The following NUDCD1 variants were observed in gnomAD, a reference collection of about 807,000 sequenced individuals.
NUDCD1 encodes nudC domain-containing protein 1.
Under a neutral mutation model 67.8 loss-of-function variants are expected in NUDCD1, and 60 were observed. That is an observed-to-expected ratio of 0.88 (90% CI 0.72 to 1.10). NUDCD1 has a LOEUF of 1.10. Ranked by LOEUF, NUDCD1 falls within the 50% of genes least tolerant of loss-of-function variation. NUDCD1 has a pLI of 0.00. For synonymous variants in NUDCD1, 244 were observed against 230.8 expected (o/e 1.06, Z -0.52); for missense variants, 643 against 695.0 (o/e 0.93, Z 0.84).
At chr8:109,273,066 G>GA (rs1426733229) in intron 7 of NUDCD1, among the ~76,000 whole-genome samples, 3 of 152,162 alleles carry the variant, frequency 2.0e-5, no homozygotes, top group Admixed American at 6.6e-5. Flanking sequence ...GAGAGACAAG[G>GA]AAATTGCAGA....
At chr8:109,282,683 G>T (rs530757573) in intron 5 of NUDCD1, among the ~76,000 whole-genome samples, 2 of 151,798 alleles carry the variant, frequency 1.3e-5, no homozygotes, top group East Asian at 1.9e-4. Context: ...GGGTTGTCGG[G>T]GGGTGGGGGG....
chr8:109,324,423 G>T (rs188296593), intron 1 of NUDCD1, among the ~76,000 whole-genome samples: 2 of 151,674 alleles, frequency 1.3e-5, no homozygotes, highest in Non-Finnish European at 2.9e-5. Context: ...TGCTGGCAAG[G>T]ATGTGGAGAA....
At position 109,242,341 on chromosome 8, in the gene NUDCD1, G is replaced by A. The variant is rs184454757; in HGVS notation, c.*668C>T. 72 of 389,820 alleles carry A rather than the reference G, an allele frequency of 1.8e-4. No homozygotes were observed. The highest frequency in any genetic ancestry group is 1.2e-3 in the African/African-American group (58 of 48,524). 24.1% of individuals were successfully genotyped at this position (389,820 alleles called of 1,614,324 possible). Reference sequence around the variant, plus strand: ...GCAGAGACAGCCAACTCACTGAATCGTGAAAAATAATAAAAGTCCTTGTTT... The same window carrying A: ...GCAGAGACAGCCAACTCACTGAATCATGAAAAATAATAAAAGTCCTTGTTT... On this transcript the variant is annotated 3_prime_UTR_variant, in exon 10 of 10. Transcript: ENST00000239690.
intron 8 of NUDCD1, among the ~76,000 whole-genome samples, chr8:109,270,067 CG>C (rs1171291973): frequency 0.02 from 89 of 4,506 alleles, no homozygotes; most frequent in East Asian, 0.033. Flanking sequence ...GTGGCGGGGG[CG>C]GGGGGGGGGG....
At chr8:109,316,343 C>A (rs1359056178) in intron 2 of NUDCD1, 2 of 152,110 alleles carry the variant, frequency 1.3e-5, no homozygotes, top group African/African-American at 4.8e-5. Flanking sequence ...AGACCTGCTG[C>A]CACCTGTTGG....
intron 2 of NUDCD1, among the ~76,000 whole-genome samples, chr8:109,299,790 C>T (rs1814937305): frequency 6.6e-6 from 1 of 152,180 alleles, no homozygotes; most frequent in Non-Finnish European, 1.5e-5. Flanking sequence ...TAATAGAGAG[C>T]AAACCAGCAC....
intron 6 of NUDCD1, among the ~76,000 whole-genome samples, chr8:109,279,609 T>A (rs907305366): frequency 6.6e-6 from 1 of 152,154 alleles, no homozygotes; most frequent in African/African-American, 2.4e-5. Flanking sequence ...GCAGAAAATG[T>A]CTGTTTTGAT....
chr8:109,255,918 G>A (rs1813726256), intron 8 of NUDCD1, among the ~76,000 whole-genome samples: 8 of 152,206 alleles, frequency 5.3e-5, no homozygotes, highest in Admixed American at 2.0e-4. Context: ...CTAAAGAAAA[G>A]TGAACTAGTT....
chr8:109,302,137 A>T (rs1262138746), intron 2 of NUDCD1, among the ~76,000 whole-genome samples: 1 of 151,732 alleles, frequency 6.6e-6, no homozygotes, highest in African/African-American at 2.4e-5. Flanking sequence ...AATCTCTTCA[A>T]CTCACACCTG....
intron 6 of NUDCD1, among the ~76,000 whole-genome samples, chr8:109,277,442 G>C (rs1186206294): frequency 1.3e-5 from 2 of 151,246 alleles, no homozygotes; most frequent in Non-Finnish European, 2.9e-5. Flanking sequence ...TTTAAAACTA[G>C]TATTGTATGC....
intron 5 of NUDCD1, among the ~76,000 whole-genome samples, chr8:109,285,897 C>T (rs893380460): frequency 1.4e-4 from 21 of 151,798 alleles, no homozygotes; most frequent in Non-Finnish European, 2.9e-4. Context: ...CCTAGAAAAC[C>T]CTAAAGATTC....
rs1045004582 is a variant in NUDCD1, at chr8:109,243,355, A to G, written c.1460-54T>C. The G allele has an allele frequency of 3.9e-5, 53 of 1,356,668 alleles. 1 individual carries two copies. Among genetic ancestry groups the G allele is most frequent in the Non-Finnish European group, 4.3e-5 (43 of 995,294 alleles). 84.0% of individuals were successfully genotyped at this position (1,356,668 alleles called of 1,614,324 possible). ...AAAACTATATATTAAACAGAAGGGG[A>G]AAAATGATGATTTAACATTTAATAT... On this transcript the variant is annotated intron_variant, in intron 9 of 9. Coordinates refer to ENST00000239690, the MANE Select transcript of NUDCD1 (RefSeq NM_032869.4).
At chr8:109,263,845 G>C (rs770429127) in intron 8 of NUDCD1, among the ~76,000 whole-genome samples, 5 of 152,146 alleles carry the variant, frequency 3.3e-5, no homozygotes, top group Non-Finnish European at 5.9e-5. Context: ...AAAAGGAAAA[G>C]TAGGTAAAAC....
Position 109,271,059 on chromosome 8 carries a change from T to G in NUDCD1, c.1245A>C (p.Glu415Asp), listed in dbSNP as rs1310321793. Reference sequence around the variant, plus strand: ...CAAATCTGCATAAACTGGAGCTCTCTTCAAAGAAAATATCACATTCTTCTA... The same window carrying G: ...CAAATCTGCATAAACTGGAGCTCTCGTCAAAGAAAATATCACATTCTTCTA... ...QELEECDIFF[E>D]ESSSLCRFDG... The change falls in exon 8 of 10, where the codon GAA (glutamate) becomes GAC (aspartate). Residue 415 changes from glutamate (E) to aspartate (D), a missense_variant. Glu to Asp is a conservative substitution (Grantham distance 45, BLOSUM62 2). Transcript: ENST00000239690. 1.9e-6 allele frequency: 3 copies of G among 1,597,346 alleles called. No homozygotes were observed. The highest frequency in any genetic ancestry group is 2.7e-5 in the African/African-American group (2 of 74,592).
chr8:109,251,774 T>C (rs1172704825), intron 8 of NUDCD1, among the ~76,000 whole-genome samples: 1 of 152,088 alleles, frequency 6.6e-6, no homozygotes, highest in Non-Finnish European at 1.5e-5. Flanking sequence ...CTTTTATCCT[T>C]ACAGTGTTCT....
chr8:109,312,181 A>C (rs1815270324), intron 2 of NUDCD1, among the ~76,000 whole-genome samples: 1 of 151,798 alleles, frequency 6.6e-6, no homozygotes, highest in Non-Finnish European at 1.5e-5. Context: ...AGGCACCTGT[A>C]ATCCCAGCTA....
At chr8:109,295,802 TTC>T (rs1563675609) in intron 3 of NUDCD1, among the ~76,000 whole-genome samples, 1 of 152,150 alleles carries the variant, frequency 6.6e-6, no homozygotes, top group South Asian at 2.1e-4. Context: ...CATCATTTTC[TTC>T]TGTTTTCAAA....
chr8:109,329,471 A>G (rs1184937662), intron 1 of NUDCD1, among the ~76,000 whole-genome samples: 1 of 152,238 alleles, frequency 6.6e-6, no homozygotes, highest in African/African-American at 2.4e-5. Flanking sequence ...AAAACAGAAG[A>G]AAAAAGGCAT....
intron 8 of NUDCD1, among the ~76,000 whole-genome samples, chr8:109,266,103 A>T (rs1315324133): frequency 1.3e-5 from 2 of 151,684 alleles, no homozygotes; most frequent in African/African-American, 4.9e-5. Flanking sequence ...ATTTTAAATT[A>T]TCTAGTAGCC....
Sources: allele counts gnomAD v4.1 joint callset (sites outside exome capture counted in the v4.1 genomes callset), GRCh38; gene constraint gnomAD v4.1.1; transcripts MANE v1.5; gene names NCBI Gene and HGNC (gene_info 2026-07-23, HGNC 2026-07-21).